The following TBXAS1 variants were observed in gnomAD, a reference collection of about 807,000 sequenced individuals.
TBXAS1 encodes the protein thromboxane A synthase 1.
TBXAS1 carries 48 observed loss-of-function variants against 60.7 expected under a neutral mutation model. That is an observed-to-expected ratio of 0.79 (90% confidence interval 0.63 to 1.01). The LOEUF is 1.01. Among genes scored for constraint, TBXAS1 ranks in the 50% least tolerant of loss-of-function variants. The probability of loss-of-function intolerance (pLI) is 0.00; values close to 1 mark genes in which losing one functional copy is unlikely to be tolerated. For missense variants in TBXAS1, 685 were observed against 686.3 expected (o/e 1.00, Z 0.02); for synonymous variants, 287 against 269.7 (o/e 1.06, Z -0.63).
intron 4 of TBXAS1, among the ~76,000 whole-genome samples, chr7:139,798,056 C>T (rs1797617492): frequency 6.6e-6 from 1 of 152,112 alleles, no homozygotes; most frequent in East Asian, 1.9e-4. Flanking sequence ...AGTCATGAAG[C>T]TCAAATGACA....
intron 3 of TBXAS1, among the ~76,000 whole-genome samples, chr7:139,885,848 C>T (rs1803051991): frequency 6.6e-6 from 1 of 152,138 alleles, no homozygotes; most frequent in East Asian, 1.9e-4. Flanking sequence ...ATCTAAATGT[C>T]TAAAACCAAA....
intron 3 of TBXAS1, among the ~76,000 whole-genome samples, chr7:139,784,927 G>C (rs1797140238): frequency 6.6e-6 from 1 of 152,132 alleles, no homozygotes; most frequent in South Asian, 2.1e-4. Flanking sequence ...ACAGGGAGAG[G>C]TTACATGGCA....
intron 1 of TBXAS1, among the ~76,000 whole-genome samples, chr7:139,851,918 G>T (rs1800242623): frequency 6.6e-6 from 1 of 152,130 alleles, no homozygotes; most frequent in Admixed American, 6.5e-5. Context: ...CAGAGGTGAT[G>T]GTGTTATCAC....
chr7:139,822,036 C>A (rs1434550416), intron 4 of TBXAS1, among the ~76,000 whole-genome samples: 1 of 152,228 alleles, frequency 6.6e-6, no homozygotes, highest in Admixed American at 6.5e-5. Flanking sequence ...ACGAGGAATT[C>A]ATTTTCCTCT....
chr7:139,794,841 A>G (rs1797509294), intron 4 of TBXAS1, among the ~76,000 whole-genome samples: 3 of 150,636 alleles, frequency 2.0e-5, no homozygotes, highest in African/African-American at 7.4e-5. Context: ...AAAGGACATG[A>G]ACTCATCATT....
chr7:139,996,389 C>T (rs1315854166), intron 9 of TBXAS1, among the ~76,000 whole-genome samples: 1 of 150,206 alleles, frequency 6.7e-6, no homozygotes, highest in East Asian at 1.9e-4. Context: ...AGGTTCAATG[C>T]TTGGCTCTGT....
intron 4 of TBXAS1, among the ~76,000 whole-genome samples, chr7:139,788,188 C>T (rs76079907): frequency 0.014 from 2,100 of 152,270 alleles, 41 homozygotes; most frequent in African/African-American, 0.048. Flanking sequence ...TGAAAATAAA[C>T]GTGCCATTTT....
At chr7:139,895,083 G>A (rs531402642) in intron 3 of TBXAS1, among the ~76,000 whole-genome samples, 68 of 152,300 alleles carry the variant, frequency 4.5e-4, no homozygotes, top group African/African-American at 1.5e-3. Context: ...AGGATTCTGG[G>A]TAGAATCATG....
At chr7:139,958,085 G>A (rs928004091) in intron 8 of TBXAS1, among the ~76,000 whole-genome samples, 2 of 152,190 alleles carry the variant, frequency 1.3e-5, no homozygotes, top group African/African-American at 4.8e-5. Context: ...GAATAGCCCA[G>A]AAGAATTTTC....
At chr7:139,868,462 A>AATTTATTT (rs57162964) in intron 1 of TBXAS1, among the ~76,000 whole-genome samples, 131 of 150,436 alleles carry the variant, frequency 8.7e-4, no homozygotes, top group African/African-American at 3.1e-3. Context: ...GAAACTCCAG[A>AATTTATTT]ATTTATTTAT....
At chr7:139,810,589 G>A (rs1181477329) in intron 4 of TBXAS1, among the ~76,000 whole-genome samples, 1 of 152,102 alleles carries the variant, frequency 6.6e-6, no homozygotes, top group Non-Finnish European at 1.5e-5. Context: ...ATTTTTAGAG[G>A]GATGCATATT....
intron 4 of TBXAS1, among the ~76,000 whole-genome samples, chr7:139,934,258 G>A (rs1472133928): frequency 5.3e-5 from 8 of 150,380 alleles, no homozygotes; most frequent in African/African-American, 1.2e-4. Context: ...GTGTGATCTC[G>A]GCTCACTGCA....
chr7:139,837,302 C>T (rs115974869), intron 1 of TBXAS1, among the ~76,000 whole-genome samples: 14,421 of 152,160 alleles, frequency 0.095, 796 homozygotes, highest in Non-Finnish European at 0.13. Flanking sequence ...CCAGCAATTC[C>T]GCTACTGGGT....
intron 5 of TBXAS1, among the ~76,000 whole-genome samples, chr7:139,942,586 AC>A (rs1808378873): frequency 6.6e-6 from 1 of 152,136 alleles, no homozygotes; most frequent in Non-Finnish European, 1.5e-5. Context: ...TTCTTCATTC[AC>A]CCAGATAACT....
In TBXAS1 at chr7:139,872,129, C is replaced by A. The variant is rs539924788; in HGVS notation, c.90-106C>A. On this transcript the variant is annotated intron_variant, in intron 1 of 12. Coordinates refer to ENST00000448866, the MANE Select transcript of TBXAS1 (RefSeq NM_001061.7). ...TAGATGTGGTGACTGGAAACCTATTCTTTTGCCTTTACTTCCAGAGAGCTC... is the reference window on the plus strand; with the variant it reads ...TAGATGTGGTGACTGGAAACCTATTATTTTGCCTTTACTTCCAGAGAGCTC... The A allele has an allele frequency of 3.4e-5, 40 of 1,184,756 alleles. No individual in the cohort carries two copies. The South Asian group carries it at 4.3e-4, about 13-fold the overall frequency. The allele number at this position is 1,184,756 out of a possible 1,614,324, so 73.4% of individuals were successfully genotyped here. A position where few individuals can be genotyped will look rare whatever the true frequency, so the allele number is the denominator to read the frequency against.
intron 9 of TBXAS1, among the ~76,000 whole-genome samples, chr7:140,003,569 A>G (rs1053256824): frequency 9.9e-5 from 15 of 152,216 alleles, no homozygotes; most frequent in Non-Finnish European, 2.2e-4. Flanking sequence ...TATCTAGGGA[A>G]AGAGTAAAGA....
At chr7:140,009,164 G>A (rs1359779590) in intron 10 of TBXAS1, among the ~76,000 whole-genome samples, 2 of 152,244 alleles carry the variant, frequency 1.3e-5, no homozygotes, top group Non-Finnish European at 1.5e-5. Flanking sequence ...AAACAGCAGA[G>A]CAGAAAAGGA....
chr7:139,981,641 G>A (rs1811987863), intron 9 of TBXAS1, among the ~76,000 whole-genome samples: 1 of 152,236 alleles, frequency 6.6e-6, no homozygotes, highest in African/African-American at 2.4e-5. Flanking sequence ...GGCAGAGACA[G>A]TCTCCCCTGT....
intron 4 of TBXAS1, among the ~76,000 whole-genome samples, chr7:139,804,538 G>A (rs1797795115): frequency 6.6e-6 from 1 of 152,092 alleles, no homozygotes; most frequent in Non-Finnish European, 1.5e-5. Flanking sequence ...AATGAGATGT[G>A]GGAGGGGCCA....
Sources: gnomAD v4.1 joint callset for allele counts (sites outside exome capture counted in the v4.1 genomes callset) on GRCh38, gnomAD v4.1.1 for gene constraint, MANE v1.5 for transcripts, NCBI Gene and HGNC (gene_info 2026-07-23, HGNC 2026-07-21) for gene names.